The following APCDD1 variants were observed in gnomAD, a reference collection of about 807,000 sequenced individuals.
The protein encoded by APCDD1 is APC down-regulated 1, also known as protein APCDD1.
In APCDD1, 15 loss-of-function variants were observed where a neutral mutation model predicts 38.1. The observed-to-expected ratio is 0.39, with a 90% CI of 0.26 to 0.61. The LOEUF (loss-of-function observed/expected upper bound fraction) is 0.61. Ranked by LOEUF, APCDD1 falls within the 20% of genes least tolerant of loss-of-function variation. The pLI is 0.49. For synonymous variants in APCDD1, 261 were observed against 279.7 expected (o/e 0.93, Z 0.67); for missense variants, 647 against 696.2 (o/e 0.93, Z 0.79).
At chr18:10,479,996 T>C (rs1308473765) in intron 3 of APCDD1, among the ~76,000 whole-genome samples, 3 of 152,352 alleles carry the variant, frequency 2.0e-5, no homozygotes, top group African/African-American at 7.2e-5. Context: ...CCCTTTCTGA[T>C]GAAAGCTTTT....
chr18:10,466,021 T>C (rs948355), intron 1 of APCDD1, among the ~76,000 whole-genome samples: 80,210 of 152,070 alleles, frequency 0.53, 21,645 homozygotes, highest in African/African-American at 0.63. Context: ...TTTTAGAAGA[T>C]AGCTTGGTTG....
At chr18:10,465,941 C>T (rs532301226) in intron 1 of APCDD1, among the ~76,000 whole-genome samples, 2 of 152,312 alleles carry the variant, frequency 1.3e-5, no homozygotes, top group South Asian at 4.1e-4. Context: ...TAATCCACAT[C>T]CACTACACTC....
chr18:10,455,015 C>T lies in APCDD1; in HGVS notation c.34C>T (p.Leu12=), dbSNP rs868768975. ...SWPRRLLLRY[L]FPALLLHGLG... ...GCCGCGCCGCCTCCTGCTCAGATAC[C>T]TGTTCCCGGCCCTCCTGCTTCACGG... The change falls in exon 1 of 5, where the codon CTG becomes TTG. Residue 12 remains leucine (L), a synonymous_variant. Coordinates refer to ENST00000355285, the MANE Select transcript of APCDD1 (RefSeq NM_153000.5). 4 of 1,565,096 alleles carry T rather than the reference C, an allele frequency of 2.6e-6. No homozygotes were observed. Among genetic ancestry groups the T allele is most frequent in the East Asian group, 4.8e-5 (2 of 41,842 alleles).
chr18:10,462,655 T>C (rs951970998), intron 1 of APCDD1, among the ~76,000 whole-genome samples: 1 of 125,822 alleles, frequency 7.9e-6, no homozygotes, highest in Non-Finnish European at 1.7e-5. Context: ...CCTTCCTTCC[T>C]TCCTTCCTTC....
chr18:10,465,876 A>G (rs1021730277), intron 1 of APCDD1, among the ~76,000 whole-genome samples: 4 of 152,218 alleles, frequency 2.6e-5, no homozygotes, highest in Non-Finnish European at 2.9e-5. Context: ...ATTCAATGCA[A>G]TCCTTCAAGT....
chr18:10,485,745 C>A lies in APCDD1; in HGVS notation c.1058C>A (p.Ser353Ter). ...GGCCGCTACAGCCGCGGCGTCCTCT[C>A]GTCCAGGGTCATGGGAGGCACCGAG... Reference protein sequence around the residue: ...ARGRYSRGVLSSRVMGGTEFV... With the variant: ...ARGRYSRGVL The change falls in exon 4 of 5, where the codon TCG (serine) becomes TAG (stop). Residue 353 changes from serine (S) to a stop codon, truncating the protein, a stop_gained. Coordinates refer to ENST00000355285, the MANE Select transcript of APCDD1 (RefSeq NM_153000.5). LOFTEE classifies it high-confidence loss of function. The surrounding 1 kb of genome is among the most constrained non-coding windows in gnomAD (Gnocchi z 5.8). 1 of 1,613,876 alleles carries A rather than the reference C, an allele frequency of 6.2e-7. No homozygotes were observed. The highest frequency in any genetic ancestry group is 8.5e-7 in the Non-Finnish European group (1 of 1,180,040).
Position 10,467,389 on chromosome 18 carries a change from A to G in APCDD1, c.59-1080A>G, listed in dbSNP as rs1561870. 0.025 allele frequency among the ~76,000 whole-genome samples: 3,826 copies of G among 152,332 alleles called. 145 individuals are homozygous for G. Among genetic ancestry groups the G allele is most frequent in the African/African-American group, 0.082 (3,417 of 41,570 alleles). ...AAAAAGTTTGTACAGTTGTCTAACT[A>G]GTGTCTTTTCTGCTAACACAGGGCT... On this transcript the variant is annotated intron_variant, in intron 1 of 4. Transcript: ENST00000355285. The surrounding 1 kb of genome is among the most constrained non-coding windows in gnomAD (Gnocchi z 4.8).
intron 3 of APCDD1, among the ~76,000 whole-genome samples, chr18:10,478,084 C>T (rs2031048587): frequency 6.6e-6 from 1 of 152,188 alleles, no homozygotes; most frequent in Non-Finnish European, 1.5e-5. Context: ...CTACCAGCTG[C>T]CCCTGCTGAA....
intron 1 of APCDD1, among the ~76,000 whole-genome samples, chr18:10,465,738 G>T (rs2030692680): frequency 6.6e-6 from 1 of 152,194 alleles, no homozygotes; most frequent in African/African-American, 2.4e-5. Flanking sequence ...AGTGCCATCG[G>T]AGGCTGCTGC....
At chr18:10,455,798 C>G (rs2030366027) in intron 1 of APCDD1, among the ~76,000 whole-genome samples, 4 of 152,190 alleles carry the variant, frequency 2.6e-5, no homozygotes, top group African/African-American at 9.6e-5. Flanking sequence ...CCAGAAATTG[C>G]GCTGAAAACA....
chr18:10,482,051 A>G (rs569047020), intron 3 of APCDD1, among the ~76,000 whole-genome samples: 2 of 152,096 alleles, frequency 1.3e-5, no homozygotes, highest in East Asian at 3.9e-4. Flanking sequence ...CCCTCCCCCG[A>G]GCCTTTGCCT....
In APCDD1 at chr18:10,454,916, C is replaced by T. The variant is rs1428083946; in HGVS notation, c.-66C>T. The T allele has an allele frequency of 2.1e-6, 3 of 1,454,900 alleles. No homozygotes were observed. Among genetic ancestry groups the T allele is most frequent in the Admixed American group, 2.4e-5 (1 of 41,448 alleles). 90.1% of individuals were successfully genotyped at this position (1,454,900 alleles called of 1,614,324 possible). A position where few individuals can be genotyped will look rare whatever the true frequency, so the allele number is the denominator to read the frequency against. On this transcript the variant is annotated 5_prime_UTR_variant, in exon 1 of 5. Coordinates refer to ENST00000355285, the MANE Select transcript of APCDD1 (RefSeq NM_153000.5). The stretch of plus-strand genomic sequence containing the variant: ...CCGGCCGGAGGCGGAGGGCAGAGCG[C>T]GCGCCCAGTTGCCCGGGCACCAAAT...
chr18:10,455,326 C>T (rs906081953), intron 1 of APCDD1, among the ~76,000 whole-genome samples: 1 of 152,212 alleles, frequency 6.6e-6, no homozygotes, highest in Non-Finnish European at 1.5e-5. Context: ...CTTTTATGTC[C>T]AGAATCCGTT....
intron 1 of APCDD1, among the ~76,000 whole-genome samples, chr18:10,464,917 C>A (rs2030669367): frequency 6.6e-6 from 1 of 152,100 alleles, no homozygotes; most frequent in African/African-American, 2.4e-5. Context: ...TTTAACTGTT[C>A]TGTTAGTTAG....
intron 3 of APCDD1, among the ~76,000 whole-genome samples, chr18:10,479,920 T>A (rs1003505551): frequency 6.6e-6 from 1 of 152,246 alleles, no homozygotes; most frequent in Non-Finnish European, 1.5e-5. Flanking sequence ...AGTTTCTTTC[T>A]CATTTTTAGA....
Position 10,487,894 on chromosome 18 carries a change from C to T in APCDD1, c.1401C>T (p.Ala467=). ...ACCAGATGCCCTTGGTCCAGTGTGC[C>T]TCCTCTTCGCCGAGGGCAGAGGACC... ...TSYQMPLVQC[A]SSSPRAEDLA... is the part of the protein sequence containing the mutation. Residue 467 remains alanine, a synonymous_variant, in exon 5 of 5, where the codon GCC becomes GCT. Coordinates refer to ENST00000355285, the MANE Select transcript of APCDD1 (RefSeq NM_153000.5). 1 of 1,613,398 alleles carries T rather than the reference C, an allele frequency of 6.2e-7. No homozygotes were observed. Among genetic ancestry groups the T allele is most frequent in the Admixed American group, 1.7e-5 (1 of 60,014 alleles).
intron 1 of APCDD1, among the ~76,000 whole-genome samples, chr18:10,459,599 CA>C (rs1030904112): frequency 6.6e-6 from 1 of 151,180 alleles, no homozygotes; most frequent in Non-Finnish European, 1.5e-5. Context: ...AAGCTTACTG[CA>C]AAAAAAATGG....
At position 10,471,996 on chromosome 18, in the gene APCDD1, A is replaced by G. The variant is rs762091049; in HGVS notation, c.709A>G (p.Thr237Ala). ...VEELFLGDIH[T>A]DATQRMFYRP... ...GGAGCTCTTCCTTGGTGACATTCAC[A>G]CTGATGCCACCCAGAGGATGTTCTA... The change falls in exon 3 of 5, where the codon ACT (threonine) becomes GCT (alanine). Residue 237 changes from threonine to alanine, a missense_variant. Transcript: ENST00000355285. The surrounding 1 kb of genome is among the most constrained non-coding windows in gnomAD (Gnocchi z 5.5). 44 of 1,613,848 alleles carry G rather than the reference A, an allele frequency of 2.7e-5. No homozygotes were observed. The East Asian group carries it at 8.9e-4, about 33-fold the overall frequency.
rs2031282292 is a variant in APCDD1 at position 10,487,817 on chromosome 18, A to G, written c.1324A>G (p.Arg442Gly). 2.5e-6 allele frequency: 4 copies of G among 1,614,078 alleles called. No individual in the cohort carries two copies. The highest frequency in any genetic ancestry group is 3.4e-6 in the Non-Finnish European group (4 of 1,180,038). Residue 442 changes from arginine to glycine, a missense_variant, in exon 5 of 5, where the codon AGG becomes GGG. Transcript: ENST00000355285. Reference sequence around the variant, plus strand: ...GCGCTATCTGCTGTTCAACGGTCAGAGGCCCAGCGACGGGTCCAGCCCAGA... The same window carrying G: ...GCGCTATCTGCTGTTCAACGGTCAGGGGCCCAGCGACGGGTCCAGCCCAGA... ...RGRYLLFNGQ[R>G]PSDGSSPDRP...
Sources: gnomAD v4.1 joint callset for allele counts (sites outside exome capture counted in the v4.1 genomes callset) on GRCh38, gnomAD v4.1.1 for gene constraint, Gnocchi (gnomAD v3.1) non-coding constraint, MANE v1.5 for transcripts, NCBI Gene and HGNC (gene_info 2026-07-23, HGNC 2026-07-21) for gene names.